CNBD1: variants seen among roughly 807,000 people sequenced by gnomAD.
CNBD1 encodes cyclic nucleotide-binding domain-containing protein 1.
CNBD1 carries 71 observed loss-of-function variants against 54.4 expected under a neutral mutation model. The ratio of observed to expected loss-of-function variants is 1.30; its 90% confidence interval spans 1.08 to 1.59. The LOEUF (loss-of-function observed/expected upper bound fraction) is 1.59. CNBD1 is among the 40% of genes most tolerant of loss of function. CNBD1 has a pLI of 0.00. For missense variants in CNBD1, 659 were observed against 518.0 expected, an observed-to-expected ratio of 1.27 and a Z score of -2.64; for synonymous variants, 182 against 170.7, an observed-to-expected ratio of 1.07 and a Z score of -0.51.
At chr8:87,370,693 T>A (rs1468366205) in intron 10 of CNBD1, among the ~76,000 whole-genome samples, 1 of 150,776 alleles carries the variant, frequency 6.6e-6, no homozygotes, top group African/African-American at 2.4e-5. Flanking sequence ...TTCACTCTGA[T>A]GGTAGTTTCT....
intron 8 of CNBD1, among the ~76,000 whole-genome samples, chr8:87,302,393 G>A (rs1318238404): frequency 6.6e-6 from 1 of 151,996 alleles, no homozygotes; most frequent in Non-Finnish European, 1.5e-5. Context: ...AAAACCACAT[G>A]ATTATCTCAA....
At chr8:87,084,469 A>G (rs1341562288) in intron 4 of CNBD1, among the ~76,000 whole-genome samples, 1 of 152,118 alleles carries the variant, frequency 6.6e-6, no homozygotes, top group Non-Finnish European at 1.5e-5. Context: ...GTCTGGATGA[A>G]CAGGTTTTTT....
chr8:87,046,304 G>C (rs946040459), intron 4 of CNBD1, among the ~76,000 whole-genome samples: 1 of 152,088 alleles, frequency 6.6e-6, no homozygotes, highest in African/African-American at 2.4e-5. Flanking sequence ...GGTTTTTCCA[G>C]TATAGGATTG....
At chr8:87,190,897 T>TTAGATATAGG (rs1813594260) in intron 4 of CNBD1, among the ~76,000 whole-genome samples, 1 of 130,632 alleles carries the variant, frequency 7.7e-6, no homozygotes, top group Admixed American at 7.9e-5. Flanking sequence ...GTATATCTAT[T>TTAGATATAGG]TAGATATAGG....
At chr8:87,222,968 G>A (rs1402125906) in intron 5 of CNBD1, among the ~76,000 whole-genome samples, 1 of 151,168 alleles carries the variant, frequency 6.6e-6, no homozygotes, top group Non-Finnish European at 1.5e-5. Context: ...TAACCAACTT[G>A]ATTTTGATAA....
intron 4 of CNBD1, among the ~76,000 whole-genome samples, chr8:87,001,543 G>A (rs1450755217): frequency 2.0e-5 from 3 of 152,090 alleles, no homozygotes; most frequent in Non-Finnish European, 4.4e-5. Flanking sequence ...TTTGAGGCCA[G>A]CTGTTCTTTC....
At chr8:87,212,370 T>A (rs1814117343) in intron 5 of CNBD1, among the ~76,000 whole-genome samples, 1 of 152,056 alleles carries the variant, frequency 6.6e-6, no homozygotes, top group Non-Finnish European at 1.5e-5. Flanking sequence ...ATCCTAAAAT[T>A]CATATAGAAA....
At chr8:87,415,534 C>T (rs1170112571) in intron 2 of CNBD1, among the ~76,000 whole-genome samples, 4 of 151,998 alleles carry the variant, frequency 2.6e-5, no homozygotes, top group Non-Finnish European at 4.4e-5. Flanking sequence ...CATGACACTA[C>T]AGTATTGTTT....
intron 4 of CNBD1, among the ~76,000 whole-genome samples, chr8:87,154,496 A>G (rs186470968): frequency 8.0e-4 from 122 of 152,326 alleles, no homozygotes; most frequent in African/African-American, 2.2e-3. Context: ...TTACAGTAGC[A>G]TTTGTCAAAG....
rs74460679 is a variant in CNBD1, at chr8:87,157,371, C to T, written c.432-48622C>T. Among the ~76,000 whole-genome samples, 727 of 152,248 alleles carry T rather than the reference C, an allele frequency of 4.8e-3. 4 individuals carry two copies. The highest frequency in any genetic ancestry group is 0.017 in the African/African-American group (693 of 41,558). On this transcript the variant is annotated intron_variant, in intron 4 of 10. Coordinates refer to ENST00000518476, the MANE Select transcript of CNBD1 (RefSeq NM_173538.3). Reference sequence around the variant, plus strand: ...GGGAAACAAGGAAGAGAAATCTTAACATCAATGGCAGAGTTAATGTAGAAT... The same window carrying T: ...GGGAAACAAGGAAGAGAAATCTTAATATCAATGGCAGAGTTAATGTAGAAT...
intron 2 of CNBD1, among the ~76,000 whole-genome samples, chr8:87,388,653 G>A (rs1159746359): frequency 2.0e-5 from 3 of 152,124 alleles, no homozygotes; most frequent in Admixed American, 6.5e-5. Context: ...TGAATTCACA[G>A]CCGAATTCTA....
intron 4 of CNBD1, among the ~76,000 whole-genome samples, chr8:87,027,071 C>T (rs749922993): frequency 7.9e-5 from 12 of 152,106 alleles, no homozygotes; most frequent in Non-Finnish European, 1.5e-4. Flanking sequence ...TTGGGCTTAA[C>T]TTATGAGTGC....
intron 3 of CNBD1, among the ~76,000 whole-genome samples, chr8:86,917,836 T>C (rs1379839316): frequency 6.6e-6 from 1 of 151,988 alleles, no homozygotes; most frequent in Non-Finnish European, 1.5e-5. Context: ...GATATGAAAT[T>C]TACAGAAAAT....
intron 8 of CNBD1, among the ~76,000 whole-genome samples, chr8:87,302,972 C>G (rs893850622): frequency 6.6e-6 from 1 of 151,382 alleles, no homozygotes; most frequent in Non-Finnish European, 1.5e-5. Flanking sequence ...AACCACTGCT[C>G]AAGGAAATAA....
chr8:87,237,843 A>G (rs76176070), intron 6 of CNBD1, among the ~76,000 whole-genome samples: 3,502 of 152,270 alleles, frequency 0.023, 124 homozygotes, highest in African/African-American at 0.076. Context: ...AGCATGGATC[A>G]TATCCAGAAA....
chr8:87,376,016 AATT>A (rs558862463), intron 10 of CNBD1, among the ~76,000 whole-genome samples: 222 of 152,056 alleles, frequency 1.5e-3, no homozygotes, highest in African/African-American at 4.9e-3. Flanking sequence ...CAAATTTAAA[AATT>A]ATGCAATATG....
At chr8:86,902,759 G>A (rs1431790004) in intron 2 of CNBD1, among the ~76,000 whole-genome samples, 1 of 151,842 alleles carries the variant, frequency 6.6e-6, no homozygotes, top group African/African-American at 2.4e-5. Flanking sequence ...ACATCTTCAG[G>A]ACAGAATTGA....
Position 87,117,641 on chromosome 8 carries a change from T to C in CNBD1, c.432-88352T>C, listed in dbSNP as rs149312822. Among the ~76,000 whole-genome samples the C allele has an allele frequency of 2.6e-3, 402 of 152,252 alleles. 1 individual carries two copies. The highest frequency in any genetic ancestry group is 9.3e-3 in the African/African-American group (385 of 41,548). On this transcript the variant is annotated intron_variant, in intron 4 of 10. Coordinates refer to ENST00000518476, the MANE Select transcript of CNBD1 (RefSeq NM_173538.3). Reference sequence around the variant, plus strand: ...TCACAAAGTACAGGGAAGAACAATGTTTTACTGGCAGAGTTAGAAATCAAG... The same window carrying C: ...TCACAAAGTACAGGGAAGAACAATGCTTTACTGGCAGAGTTAGAAATCAAG...
chr8:87,347,193 G>A (rs1234592280), intron 8 of CNBD1, among the ~76,000 whole-genome samples: 1 of 152,104 alleles, frequency 6.6e-6, no homozygotes, highest in Non-Finnish European at 1.5e-5. Context: ...TTCTGTTGCT[G>A]TTCTGCCACC....
Sources: gnomAD v4.1 joint callset for allele counts (sites outside exome capture counted in the v4.1 genomes callset) on GRCh38, gnomAD v4.1.1 for gene constraint, MANE v1.5 for transcripts, NCBI Gene and HGNC (gene_info 2026-07-23, HGNC 2026-07-21) for gene names.